The following TXNRD2 variants were observed in gnomAD, a reference collection of about 807,000 sequenced individuals.
The protein encoded by TXNRD2 is thioredoxin reductase 2, also known as thioredoxin reductase 2, mitochondrial.
A neutral mutation model predicts 70.8 loss-of-function variants in TXNRD2; 67 were observed. The observed-to-expected ratio is 0.95, with a 90% CI of 0.78 to 1.16. The LOEUF (loss-of-function observed/expected upper bound fraction) is 1.16. Ranked by LOEUF, TXNRD2 falls within the 50% of genes most tolerant of loss-of-function variation. The pLI is 0.00. For missense variants in TXNRD2, 644 were observed against 719.9 expected (o/e 0.89, Z 1.21); for synonymous variants, 301 against 295.8 (o/e 1.02, Z -0.18).
At chr22:19,910,194 G>A (rs929661091) in intron 8 of TXNRD2, among the ~76,000 whole-genome samples, 20 of 152,206 alleles carry the variant, frequency 1.3e-4, no homozygotes, top group Non-Finnish European at 2.4e-4. Context: ...CTGGGACCTC[G>A]GGATGGCCCA....
chr22:19,891,159 A>C (rs527975628), intron 11 of TXNRD2, among the ~76,000 whole-genome samples: 57 of 152,226 alleles, frequency 3.7e-4, no homozygotes, highest in Non-Finnish European at 7.8e-4. Flanking sequence ...CCCAAAGAGG[A>C]AATAGCTTCA....
At chr22:19,914,921 A>G (rs920035050) in intron 7 of TXNRD2, 1 of 447,160 alleles carries the variant, frequency 2.2e-6, no homozygotes, top group Non-Finnish European at 4.2e-6. Flanking sequence ...GGGAATCAGC[A>G]ATGGAGACTT....
At chr22:19,883,254 C>G in intron 12 of TXNRD2, 71 bp downstream of exon 12, 3 of 1,580,078 alleles carry the variant, frequency 1.9e-6, no homozygotes, top group Non-Finnish European at 2.6e-6. Flanking sequence ...ACGGCAGCAG[C>G]CGGAGCCCAG....
chr22:19,916,844 A>G (rs1211689777), intron 5 of TXNRD2, among the ~76,000 whole-genome samples: 1 of 151,948 alleles, frequency 6.6e-6, no homozygotes, highest in African/African-American at 2.4e-5. Context: ...CCTGGGCTCA[A>G]GTGATCCTCC....
At chr22:19,941,578 A>T (rs1941715834) in intron 1 of TXNRD2, 123 bp downstream of exon 1, 1 of 1,318,448 alleles carries the variant, frequency 7.6e-7, no homozygotes, top group Non-Finnish European at 9.6e-7. Flanking sequence ...AGAGGCCGGT[A>T]TGTGGACACC....
At chr22:19,940,913 A>G (rs539578474) in intron 1 of TXNRD2, among the ~76,000 whole-genome samples, 90 of 152,176 alleles carry the variant, frequency 5.9e-4, no homozygotes, top group African/African-American at 2.0e-3. Context: ...CTCCCTCCCG[A>G]GTCCACCGCG....
At chr22:19,883,534 T>C (rs1016625553) in intron 11 of TXNRD2, 73 bp from the exon 12 acceptor site, 18 of 1,604,380 alleles carry the variant, frequency 1.1e-5, no homozygotes, top group Admixed American at 1.7e-5. Context: ...GTTTAAACTG[T>C]TTCTCAGAAT....
At chr22:19,939,510 G>A (rs182616757) in intron 1 of TXNRD2, among the ~76,000 whole-genome samples, 1 of 152,032 alleles carries the variant, frequency 6.6e-6, no homozygotes, top group African/African-American at 2.4e-5. Flanking sequence ...TATTCTTATT[G>A]GGCTTATGTG....
At chr22:19,921,601 T>C (rs1232825905) in intron 2 of TXNRD2, among the ~76,000 whole-genome samples, 2 of 151,800 alleles carry the variant, frequency 1.3e-5, no homozygotes, top group Non-Finnish European at 2.9e-5. Context: ...GAAACAAACA[T>C]GGTGAGCCCT....
intron 8 of TXNRD2, among the ~76,000 whole-genome samples, chr22:19,902,200 A>G (rs1939808865): frequency 6.6e-6 from 1 of 152,120 alleles, no homozygotes; most frequent in Admixed American, 6.5e-5. Flanking sequence ...AACAAAACAA[A>G]ACAAATAAAA....
At position 19,915,255 on chromosome 22, in the gene TXNRD2, T is replaced by G. The variant is rs765690062; in HGVS notation, c.550A>C (p.Ile184Leu). 3.1e-6 allele frequency: 5 copies of G among 1,613,792 alleles called. No individual in the cohort carries two copies. The highest frequency in any genetic ancestry group is 4.2e-6 in the Non-Finnish European group (5 of 1,179,938). The change falls in exon 7 of 18, where the codon ATC becomes CTC. Residue 184 changes from isoleucine (I) to leucine (L), a missense_variant. Physicochemically the swap from Ile to Leu is conservative, Grantham distance 5. Transcript: ENST00000400521. ...GGCCGCCCTCCAGTAGCAATGATGA[T>G]GTGATCGGCTGACAGCAGAATCTGA... The part of the protein sequence containing the change: ...GKEILLSADH[I>L]IIATGGRPRY...
chr22:19,898,401 G>A (rs985161962), intron 9 of TXNRD2, among the ~76,000 whole-genome samples: 1 of 152,198 alleles, frequency 6.6e-6, no homozygotes, highest in Non-Finnish European at 1.5e-5. Context: ...GCATCCTGGT[G>A]GATTCCAGTT....
chr22:19,933,636 G>T, intron 1 of TXNRD2: 1 of 534,356 alleles, frequency 1.9e-6, no homozygotes, highest in Non-Finnish European at 2.9e-6. Flanking sequence ...CACTGGCATA[G>T]GGCAGTCGTT....
chr22:19,890,839 T>C (rs1548357), intron 11 of TXNRD2, among the ~76,000 whole-genome samples: 48,641 of 152,086 alleles, frequency 0.32, 7,814 homozygotes, highest in East Asian at 0.41. Context: ...TTGCCTGCCG[T>C]GTACATGCCA....
At chr22:19,880,353 G>T in intron 13 of TXNRD2, 82 bp from the exon 14 acceptor site, 1 of 1,415,862 alleles carries the variant, frequency 7.1e-7, no homozygotes, top group Non-Finnish European at 9.8e-7. Flanking sequence ...AAAGAGCAGC[G>T]ATCACAGACC....
intron 11 of TXNRD2, 123 bp downstream of exon 11, chr22:19,895,284 G>C (rs557397213): frequency 8.8e-6 from 14 of 1,592,128 alleles, no homozygotes; most frequent in Non-Finnish European, 1.2e-5. Flanking sequence ...ACTGGGGAGC[G>C]GCCAACCCGC....
intron 7 of TXNRD2, among the ~76,000 whole-genome samples, chr22:19,914,116 C>CCA (rs1464838189): frequency 6.6e-6 from 1 of 152,164 alleles, no homozygotes; most frequent in Non-Finnish European, 1.5e-5. Context: ...AAACAAGAAA[C>CCA]CATGACCCTT....
intron 14 of TXNRD2, among the ~76,000 whole-genome samples, chr22:19,879,625 G>A (rs533298364): frequency 6.6e-6 from 1 of 151,412 alleles, no homozygotes; most frequent in Admixed American, 6.6e-5. Context: ...TGGTGGGGGG[G>A]GTGGGGGTGG....
intron 17 of TXNRD2, 192 bp downstream of exon 17, chr22:19,876,848 G>A (rs544929057): frequency 2.1e-4 from 82 of 391,242 alleles, no homozygotes; most frequent in East Asian, 2.0e-3. Flanking sequence ...GGGGTCCCCC[G>A]GGGAGGTTTG....
Sources: gnomAD v4.1 joint callset for allele counts (sites outside exome capture counted in the v4.1 genomes callset) on GRCh38, gnomAD v4.1.1 for gene constraint, MANE v1.5 for transcripts, NCBI Gene and HGNC (gene_info 2026-07-23, HGNC 2026-07-21) for gene names.